The following KYNU variants were observed in gnomAD, a reference collection of about 807,000 sequenced individuals.
KYNU encodes the protein L-kynurenine hydrolase.
A neutral mutation model predicts 59.2 loss-of-function variants in KYNU; 54 were observed. That is an observed-to-expected ratio of 0.91 (90% CI 0.73 to 1.14). The LOEUF (loss-of-function observed/expected upper bound fraction) is 1.14, where lower values mean the gene tolerates loss of function less well. KYNU is among the 50% of genes most tolerant of loss of function. The pLI is 0.00. For synonymous variants in KYNU, 177 were observed against 192.0 expected (o/e 0.92, Z 0.65); for missense variants, 567 against 554.4 (o/e 1.02, Z -0.23).
intron 8 of KYNU, among the ~76,000 whole-genome samples, chr2:142,966,698 G>A (rs1684550933): frequency 6.6e-6 from 1 of 152,082 alleles, no homozygotes; most frequent in African/African-American, 2.4e-5. Flanking sequence ...ACTAATGTGA[G>A]TTATTTTGTC....
chr2:142,920,979 T>C (rs1682860882), intron 3 of KYNU, among the ~76,000 whole-genome samples: 2 of 152,214 alleles, frequency 1.3e-5, no homozygotes. Context: ...CAGCTGAAGT[T>C]CTGTTGGGAG....
At chr2:142,930,741 T>G (rs532485265) in intron 4 of KYNU, among the ~76,000 whole-genome samples, 3 of 152,336 alleles carry the variant, frequency 2.0e-5, no homozygotes, top group Non-Finnish European at 4.4e-5. Flanking sequence ...ATTACTAATT[T>G]GTAGGCCTAT....
chr2:143,016,109 T>C (rs1399445498), intron 10 of KYNU, among the ~76,000 whole-genome samples: 2 of 152,246 alleles, frequency 1.3e-5, no homozygotes, highest in South Asian at 4.1e-4. Context: ...TGAAATATTT[T>C]AGCGAGTTAA....
intron 2 of KYNU, among the ~76,000 whole-genome samples, chr2:142,915,973 A>C (rs1194780101): frequency 6.6e-6 from 1 of 152,148 alleles, no homozygotes; most frequent in African/African-American, 2.4e-5. Flanking sequence ...ACACACAGGC[A>C]TACTGGGAGA....
chr2:142,997,875 T>C (rs1368332242), intron 10 of KYNU, among the ~76,000 whole-genome samples: 1 of 152,162 alleles, frequency 6.6e-6, no homozygotes, highest in Non-Finnish European at 1.5e-5. Context: ...AGAGTTTGGA[T>C]ATTTCATTTC....
chr2:142,914,256 G>A (rs1682600550), intron 2 of KYNU, among the ~76,000 whole-genome samples: 1 of 152,182 alleles, frequency 6.6e-6, no homozygotes, highest in African/African-American at 2.4e-5. Context: ...ACTTTCCCCA[G>A]GTCTGTACTG....
chr2:142,992,003 C>T (rs978255867), intron 10 of KYNU, among the ~76,000 whole-genome samples: 3 of 151,996 alleles, frequency 2.0e-5, no homozygotes, highest in South Asian at 4.2e-4. Context: ...GCATCTATCT[C>T]TATGAATTAC....
chr2:143,010,960 T>G (rs1177404172), intron 10 of KYNU, among the ~76,000 whole-genome samples: 1 of 146,094 alleles, frequency 6.8e-6, no homozygotes, highest in Non-Finnish European at 1.5e-5. Context: ...ATAAAAACCC[T>G]AGAAGAAAAC....
intron 4 of KYNU, among the ~76,000 whole-genome samples, chr2:142,939,222 C>A (rs557720871): frequency 1.3e-5 from 2 of 152,210 alleles, no homozygotes; most frequent in African/African-American, 4.8e-5. Flanking sequence ...CAAGTTCCTA[C>A]CAATTATTAT....
At chr2:143,031,369 G>A (rs560572840) in intron 11 of KYNU, among the ~76,000 whole-genome samples, 2 of 152,240 alleles carry the variant, frequency 1.3e-5, no homozygotes, top group Middle Eastern at 3.4e-3. Flanking sequence ...CATTGTGGTG[G>A]TAAAGCAGCC....
At chr2:142,940,430 C>T (rs1683559673) in intron 4 of KYNU, among the ~76,000 whole-genome samples, 1 of 152,022 alleles carries the variant, frequency 6.6e-6, no homozygotes, top group Non-Finnish European at 1.5e-5. Flanking sequence ...CCAATAAATC[C>T]TGCAAAAAGA....
chr2:143,018,006 A>C (rs1220286983), intron 10 of KYNU, among the ~76,000 whole-genome samples: 1 of 151,750 alleles, frequency 6.6e-6, no homozygotes, highest in Non-Finnish European at 1.5e-5. Flanking sequence ...TATTTAGTTC[A>C]ATTGCTTAAG....
intron 4 of KYNU, among the ~76,000 whole-genome samples, chr2:142,949,120 A>G (rs189283388): frequency 7.9e-5 from 12 of 152,334 alleles, no homozygotes; most frequent in African/African-American, 2.6e-4. Flanking sequence ...GGGTCATGCT[A>G]TGCAAGAGGT....
intron 4 of KYNU, among the ~76,000 whole-genome samples, chr2:142,928,398 T>C (rs1299054921): frequency 1.3e-5 from 2 of 152,192 alleles, no homozygotes; most frequent in Admixed American, 1.3e-4. Context: ...ATTTTGGTAA[T>C]TGGAGTGGTG....
At chr2:142,958,322 A>C (rs573797691) in intron 7 of KYNU, among the ~76,000 whole-genome samples, 2 of 152,198 alleles carry the variant, frequency 1.3e-5, no homozygotes, top group South Asian at 4.1e-4. Context: ...TAACAAAAGC[A>C]TGTGTCTAAT....
intron 9 of KYNU, among the ~76,000 whole-genome samples, chr2:142,985,587 C>T (rs1213823375): frequency 6.6e-6 from 1 of 151,510 alleles, no homozygotes; most frequent in Non-Finnish European, 1.5e-5. Context: ...AAAATAAAAC[C>T]AATTACAATT....
chr2:142,939,524 C>T (rs1328676949), intron 4 of KYNU, among the ~76,000 whole-genome samples: 3 of 142,502 alleles, frequency 2.1e-5, no homozygotes, highest in Non-Finnish European at 3.0e-5. Flanking sequence ...ATCGCTTGAA[C>T]CTGGGAGGTG....
chr2:142,956,904 A>G lies in KYNU; in HGVS notation c.507+630A>G, dbSNP rs187071461. On this transcript the variant is annotated intron_variant, in intron 6 of 13. Transcript: ENST00000264170. ...ACTCCTGCTATCTCAACACTTCAGGAAACCAAGGCAGGAGGAACACTTGAG... is the reference window on the plus strand; with the variant it reads ...ACTCCTGCTATCTCAACACTTCAGGGAACCAAGGCAGGAGGAACACTTGAG... Among the ~76,000 whole-genome samples, 355 of 152,306 alleles carry G rather than the reference A, an allele frequency of 2.3e-3. 1 individual carries two copies. The highest frequency in any genetic ancestry group is 7.6e-3 in the African/African-American group (316 of 41,576).
intron 4 of KYNU, chr2:142,954,038 GAA>G (rs1684083528): frequency 6.6e-6 from 1 of 152,090 alleles, no homozygotes; most frequent in African/African-American, 2.4e-5. Flanking sequence ...TTGCCTTGAA[GAA>G]ACATCATAAG....
Sources: gnomAD v4.1 joint callset for allele counts (sites outside exome capture counted in the v4.1 genomes callset) on GRCh38, gnomAD v4.1.1 for gene constraint, MANE v1.5 for transcripts, NCBI Gene and HGNC (gene_info 2026-07-23, HGNC 2026-07-21) for gene names.